AQR: variants seen among roughly 807,000 people sequenced by gnomAD.
AQR encodes RNA helicase aquarius.
AQR carries 61 observed loss-of-function variants against 180.5 expected under a neutral mutation model. The observed-to-expected ratio is 0.34, with a 90% CI of 0.28 to 0.42. The LOEUF (loss-of-function observed/expected upper bound fraction) is 0.42. AQR is among the 10% of genes least tolerant of loss of function. The pLI is 1.00. For synonymous variants in AQR, 551 were observed against 588.8 expected (o/e 0.94, Z 0.93); for missense variants, 1,281 against 1,798.3 (o/e 0.71, Z 5.20).
intron 13 of AQR, among the ~76,000 whole-genome samples, chr15:34,926,038 G>T (rs58720902): frequency 0.022 from 3,328 of 151,880 alleles, 130 homozygotes; most frequent in African/African-American, 0.076. Flanking sequence ...GTGGTGGCGG[G>T]CGCCTGTAGT....
chr15:34,969,599 C>T lies in AQR; in HGVS notation c.15G>A (p.Ala5=). 1 of 1,613,466 alleles carries T rather than the reference C, an allele frequency of 6.2e-7. No homozygotes were observed. The highest frequency in any genetic ancestry group is 8.5e-7 in the Non-Finnish European group (1 of 1,180,018). Residue 5 remains alanine (A), a synonymous_variant, in exon 1 of 35, where the codon GCG becomes GCA. Transcript: ENST00000156471. MAAP[A]QPKKIVAPTV... Reference sequence around the variant, plus strand: ...TAGGGGCCACGATCTTCTTGGGCTGCGCAGGGGCTGCCATGGCAGCACTCT... The same window carrying T: ...TAGGGGCCACGATCTTCTTGGGCTGTGCAGGGGCTGCCATGGCAGCACTCT...
intron 3 of AQR, among the ~76,000 whole-genome samples, chr15:34,956,064 TG>T (rs1207153198): frequency 1.3e-5 from 2 of 152,152 alleles, no homozygotes; most frequent in Non-Finnish European, 2.9e-5. Context: ...AGAGAGCTTC[TG>T]GAACACCGAC....
chr15:34,952,815 T>C (rs992019211), intron 4 of AQR, 70 bp downstream of exon 4: 7 of 1,101,680 alleles, frequency 6.4e-6, no homozygotes, highest in African/African-American at 1.6e-5. Flanking sequence ...CTCACAGAAA[T>C]AACACAGAAA....
chr15:34,951,603 G>A (rs1450057230), intron 4 of AQR, among the ~76,000 whole-genome samples: 2 of 151,620 alleles, frequency 1.3e-5, no homozygotes, highest in Non-Finnish European at 2.9e-5. Flanking sequence ...CCCGGGAAGT[G>A]GAGGTTGCAG....
At chr15:34,885,975 T>C (rs527353941) in intron 25 of AQR, among the ~76,000 whole-genome samples, 33 of 152,330 alleles carry the variant, frequency 2.2e-4, no homozygotes, top group African/African-American at 7.7e-4. Context: ...TTTAGTTTTA[T>C]TCACTTTATT....
At chr15:34,877,602 C>A (rs1374005686) in intron 27 of AQR, among the ~76,000 whole-genome samples, 1 of 152,074 alleles carries the variant, frequency 6.6e-6, no homozygotes, top group Non-Finnish European at 1.5e-5. Context: ...AGAGTGGGGG[C>A]AACTCAAAAG....
chr15:34,896,540 T>C (rs1267126161), intron 22 of AQR, among the ~76,000 whole-genome samples: 2 of 138,256 alleles, frequency 1.4e-5, no homozygotes, highest in African/African-American at 3.1e-5. Context: ...TCTTAATCTA[T>C]GTTAAAAAAA....
At position 34,873,975 on chromosome 15, in the gene AQR, T is replaced by C. The variant is rs747425434; in HGVS notation, c.3450A>G (p.Arg1150=). Residue 1150 remains arginine (R), a synonymous_variant, in exon 30 of 35, where the codon CGA becomes CGG. Coordinates refer to ENST00000156471, the MANE Select transcript of AQR (RefSeq NM_014691.3). ...GGGGTAAGTTTCCTAGATTCTTGTA[T>C]CGCCAGTTGTAGAGGTTGCACAAGC... is the stretch of plus-strand genomic sequence containing the variant. ...RASLCNLYNW[R]YKNLGNLPHV... 7 of 1,609,392 alleles carry C rather than the reference T, an allele frequency of 4.3e-6. No individual in the cohort carries two copies. In the South Asian group the frequency reaches 5.6e-5, roughly 13 times the overall value.
chr15:34,957,980 C>T (rs1440648074), intron 3 of AQR, among the ~76,000 whole-genome samples: 3 of 151,790 alleles, frequency 2.0e-5, no homozygotes, highest in African/African-American at 7.3e-5. Context: ...GAGGCTGAGG[C>T]GGGCGATCAC....
intron 1 of AQR, among the ~76,000 whole-genome samples, chr15:34,969,054 ACT>A (rs2050328912): frequency 6.6e-6 from 1 of 152,138 alleles, no homozygotes; most frequent in South Asian, 2.1e-4. Context: ...CTACAGAATT[ACT>A]CTGTTTTTAG....
chr15:34,882,478 A>AAAAAAAAAAAAAAAAAAAAC (rs1555423271), intron 27 of AQR, 24 bp downstream of exon 27: 1 of 1,458,102 alleles, frequency 6.9e-7, no homozygotes, highest in African/African-American at 1.4e-5. Flanking sequence ...AAAAAAAAAA[A>AAAAAAAAAAAAAAAAAAAAC]AAAAAACTAC....
chr15:34,965,109 A>T (rs1595368394), intron 1 of AQR, among the ~76,000 whole-genome samples: 1 of 152,354 alleles, frequency 6.6e-6, no homozygotes, highest in South Asian at 2.1e-4. Context: ...GCTGTCCTCA[A>T]CACTACCTGA....
chr15:34,868,700 T>G (rs1415725996), intron 31 of AQR: 1 of 152,188 alleles, frequency 6.6e-6, no homozygotes, highest in East Asian at 1.9e-4. Flanking sequence ...CTGATTTACT[T>G]TCTGTCACTA....
At chr15:34,919,171 G>A (rs543315382) in intron 14 of AQR, among the ~76,000 whole-genome samples, 3 of 151,212 alleles carry the variant, frequency 2.0e-5, no homozygotes, top group South Asian at 2.1e-4. Flanking sequence ...CCCGGGAGGC[G>A]GAAGTTGCAG....
At chr15:34,969,134 C>T (rs769611364) in intron 1 of AQR, among the ~76,000 whole-genome samples, 4 of 152,132 alleles carry the variant, frequency 2.6e-5, no homozygotes, top group Non-Finnish European at 4.4e-5. Flanking sequence ...ACTCTAAGGA[C>T]CAGGAAAAAG....
chr15:34,858,738 C>T (rs759288258), intron 34 of AQR, among the ~76,000 whole-genome samples: 1 of 152,074 alleles, frequency 6.6e-6, no homozygotes, highest in Admixed American at 6.5e-5. Flanking sequence ...GGCAAAGGGA[C>T]GGATATACAG....
chr15:34,866,128 G>C (rs1296376977), intron 32 of AQR, among the ~76,000 whole-genome samples: 1 of 152,056 alleles, frequency 6.6e-6, no homozygotes, highest in African/African-American at 2.4e-5. Context: ...AACAGAAATA[G>C]TTCCTTGCCT....
intron 13 of AQR, among the ~76,000 whole-genome samples, chr15:34,923,346 C>T (rs1244788716): frequency 6.6e-6 from 1 of 152,086 alleles, no homozygotes; most frequent in Non-Finnish European, 1.5e-5. Context: ...GATTCTATTC[C>T]TTCATCAAAT....
At chr15:34,942,158 C>A in intron 6 of AQR, 78 bp from the exon 7 acceptor site, 1 of 1,026,998 alleles carries the variant, frequency 9.7e-7, no homozygotes, top group Non-Finnish European at 1.4e-6. Flanking sequence ...AAGTATACTG[C>A]CTTTTTAAGT....
Sources: gnomAD v4.1 joint callset for allele counts (sites outside exome capture counted in the v4.1 genomes callset) on GRCh38, gnomAD v4.1.1 for gene constraint, MANE v1.5 for transcripts, NCBI Gene and HGNC (gene_info 2026-07-23, HGNC 2026-07-21) for gene names.